Variants in NRXN1 observed in about 807,000 individuals in gnomAD.
NRXN1 encodes neurexin-1.
NRXN1 carries 39 observed loss-of-function variants against 150.9 expected under a neutral mutation model. The ratio of observed to expected loss-of-function variants is 0.26; its 90% CI spans 0.20 to 0.34. NRXN1 has a LOEUF of 0.34. NRXN1 is among the 10% of genes least tolerant of loss of function. NRXN1 has a pLI of 1.00. For synonymous variants in NRXN1, 924 were observed against 757.0 expected (o/e 1.22, Z -3.62); for missense variants, 1,815 against 1,949.9 (o/e 0.93, Z 1.30).
At chr2:50,494,282 A>G (rs1320602760) in intron 15 of NRXN1, among the ~76,000 whole-genome samples, 1 of 152,114 alleles carries the variant, frequency 6.6e-6, no homozygotes, top group Non-Finnish European at 1.5e-5. Flanking sequence ...TTTCCAGTGA[A>G]GTTCACTTAT....
intron 19 of NRXN1, among the ~76,000 whole-genome samples, chr2:50,090,860 C>T (rs543791450): frequency 1.3e-5 from 2 of 152,214 alleles, no homozygotes; most frequent in Admixed American, 6.5e-5. Context: ...ACTTATCTCA[C>T]GGGATCCCTA....
chr2:50,870,035 G>C (rs1378175894), intron 5 of NRXN1, among the ~76,000 whole-genome samples: 1 of 151,728 alleles, frequency 6.6e-6, no homozygotes, highest in Non-Finnish European at 1.5e-5. Flanking sequence ...CTACATTCTA[G>C]GTACTCAATA....
At chr2:50,304,019 T>G (rs1286443876) in intron 17 of NRXN1, among the ~76,000 whole-genome samples, 2 of 152,158 alleles carry the variant, frequency 1.3e-5, no homozygotes, top group Admixed American at 6.5e-5. Context: ...ATAATGGTAA[T>G]GTAAACATTC....
chr2:50,541,867 C>T (rs150291878), intron 9 of NRXN1, among the ~76,000 whole-genome samples: 2,277 of 152,096 alleles, frequency 0.015, 75 homozygotes, highest in African/African-American at 0.052. Flanking sequence ...AATGTTGTAA[C>T]CCATGGTACA....
intron 5 of NRXN1, among the ~76,000 whole-genome samples, chr2:50,774,854 T>C (rs1703416404): frequency 6.6e-6 from 1 of 152,134 alleles, no homozygotes; most frequent in Non-Finnish European, 1.5e-5. Context: ...ACATATACAT[T>C]TCTATTCCCA....
intron 19 of NRXN1, among the ~76,000 whole-genome samples, chr2:50,077,328 C>G (rs1333867992): frequency 6.6e-6 from 1 of 152,116 alleles, no homozygotes; most frequent in Non-Finnish European, 1.5e-5. Flanking sequence ...CATGAATTTC[C>G]TTTATTGAAT....
rs554589382 is a variant in NRXN1 at position 50,692,568 on chromosome 2, G to T, written c.833-68953C>A. On this transcript the variant is annotated intron_variant, in intron 5 of 22. Coordinates refer to ENST00000401669, the MANE Select transcript of NRXN1 (RefSeq NM_001330078.2). ...ACATTCAAATATGATATAACACAGA[G>T]AATCAAAATCAATCATCTACCACAA... Among the ~76,000 whole-genome samples, 5 of 152,084 alleles carry T rather than the reference G, an allele frequency of 3.3e-5. No homozygotes were observed. In the South Asian group the frequency reaches 6.2e-4, roughly 19 times the overall value.
intron 5 of NRXN1, among the ~76,000 whole-genome samples, chr2:50,642,574 G>A (rs1050544077): frequency 1.3e-5 from 2 of 151,866 alleles, no homozygotes; most frequent in African/African-American, 4.8e-5. Flanking sequence ...AAAAGAAAAA[G>A]GAATTCCTTA....
At chr2:50,217,054 G>T (rs1236992199) in intron 18 of NRXN1, among the ~76,000 whole-genome samples, 5 of 151,958 alleles carry the variant, frequency 3.3e-5, no homozygotes, top group Non-Finnish European at 4.4e-5. Context: ...TGTGATCGTG[G>T]TAAAACACCT....
At chr2:50,268,871 CCT>C (rs1298885896) in intron 17 of NRXN1, among the ~76,000 whole-genome samples, 1 of 152,124 alleles carries the variant, frequency 6.6e-6, no homozygotes, top group Non-Finnish European at 1.5e-5. Flanking sequence ...CTTCTTTGTG[CCT>C]CTGAGTTGCA....
intron 5 of NRXN1, among the ~76,000 whole-genome samples, chr2:50,725,100 A>G (rs1422031573): frequency 6.6e-6 from 1 of 151,412 alleles, no homozygotes; most frequent in African/African-American, 2.4e-5. Flanking sequence ...CTGTAAATAC[A>G]AAGCCACCAT....
intron 2 of NRXN1, among the ~76,000 whole-genome samples, chr2:50,998,392 AG>A (rs1699597825): frequency 9.4e-6 from 1 of 106,172 alleles, no homozygotes; most frequent in South Asian, 3.0e-4. Context: ...GTAGCACCCA[AG>A]GAAAGTCTTT....
At chr2:50,641,639 T>A (rs1337836588) in intron 5 of NRXN1, among the ~76,000 whole-genome samples, 1 of 152,140 alleles carries the variant, frequency 6.6e-6, no homozygotes. Flanking sequence ...TGGGCAGCCT[T>A]AGCAGATTTG....
At chr2:50,408,138 C>T (rs758708061) in intron 17 of NRXN1, among the ~76,000 whole-genome samples, 2 of 152,104 alleles carry the variant, frequency 1.3e-5, no homozygotes, top group Admixed American at 6.5e-5. Flanking sequence ...CCTCCAAGAT[C>T]TTACCATCTG....
chr2:50,579,744 T>G (rs990702514), intron 8 of NRXN1, among the ~76,000 whole-genome samples: 1 of 152,172 alleles, frequency 6.6e-6, no homozygotes, highest in African/African-American at 2.4e-5. Flanking sequence ...TTCACAAGGT[T>G]GCATTATTGT....
chr2:50,134,790 T>C (rs1706129796), intron 18 of NRXN1, among the ~76,000 whole-genome samples: 1 of 152,210 alleles, frequency 6.6e-6, no homozygotes, highest in East Asian at 1.9e-4. Flanking sequence ...TCGCAGGTTG[T>C]ACATTTTGTG....
In NRXN1 at chr2:50,365,035, T is replaced by C. The variant is rs151263613; in HGVS notation, c.3364+100407A>G. On this transcript the variant is annotated intron_variant, in intron 17 of 22. Coordinates refer to ENST00000401669, the MANE Select transcript of NRXN1 (RefSeq NM_001330078.2). ...GCTTTGAGCAAGGCTTTACACAGCA[T>C]GGCAAAAATTAAACTGCTACACAAG... is the stretch of plus-strand genomic sequence containing the variant. Among the ~76,000 whole-genome samples the C allele has an allele frequency of 9.1e-3, 1,380 of 152,170 alleles. 11 individuals are homozygous for C. Among genetic ancestry groups the C allele is most frequent in the Non-Finnish European group, 0.016 (1,097 of 67,966 alleles).
intron 5 of NRXN1, among the ~76,000 whole-genome samples, chr2:50,910,003 A>T (rs1401533409): frequency 6.6e-6 from 1 of 151,358 alleles, no homozygotes; most frequent in Non-Finnish European, 1.5e-5. Context: ...TTCTTAGACT[A>T]GCCTCAGCTA....
chr2:50,813,947 C>G (rs1018614159), intron 5 of NRXN1, among the ~76,000 whole-genome samples: 1 of 151,692 alleles, frequency 6.6e-6, no homozygotes, highest in Non-Finnish European at 1.5e-5. Context: ...GTTGTTTCTA[C>G]CAAGATTAAA....
Sources: allele counts gnomAD v4.1 joint callset (sites outside exome capture counted in the v4.1 genomes callset), GRCh38; gene constraint gnomAD v4.1.1; transcripts MANE v1.5; gene names NCBI Gene and HGNC (gene_info 2026-07-23, HGNC 2026-07-21).